Variants in CEP135 observed in about 807,000 individuals in gnomAD.
The protein encoded by CEP135 is centrosomal protein 135, also known as centrosomal protein of 135 kDa.
CEP135 carries 142 observed loss-of-function variants against 157.3 expected under a neutral mutation model. That is an observed-to-expected ratio of 0.90 (90% CI 0.79 to 1.04). The LOEUF is 1.04. Ranked by LOEUF, CEP135 falls within the 50% of genes least tolerant of loss-of-function variation. The pLI, the probability that CEP135 is intolerant of heterozygous loss-of-function variation, is 0.00. For missense variants in CEP135, 1,317 were observed against 1,309.2 expected (o/e 1.01, Z -0.09); for synonymous variants, 396 against 439.8 (o/e 0.90, Z 1.25).
At chr4:56,019,761 C>T (rs1730910768) in intron 23 of CEP135, among the ~76,000 whole-genome samples, 1 of 151,668 alleles carries the variant, frequency 6.6e-6, no homozygotes, top group Non-Finnish European at 1.5e-5. Flanking sequence ...GATGGCGAAA[C>T]CCCGTCTATA....
chr4:55,957,871 G>T (rs532741262), intron 5 of CEP135, among the ~76,000 whole-genome samples: 1 of 152,270 alleles, frequency 6.6e-6, no homozygotes, highest in African/African-American at 2.4e-5. Flanking sequence ...AGTGTTCTGA[G>T]GATATAAAGA....
chr4:55,971,855 A>G (rs1729036873), intron 10 of CEP135, among the ~76,000 whole-genome samples: 1 of 152,198 alleles, frequency 6.6e-6, no homozygotes, highest in South Asian at 2.1e-4. Flanking sequence ...TCAGGAACAT[A>G]TAAGAATTCA....
chr4:56,027,885 C>T (rs1461813218), intron 25 of CEP135, among the ~76,000 whole-genome samples: 1 of 151,964 alleles, frequency 6.6e-6, no homozygotes, highest in African/African-American at 2.4e-5. Context: ...TTTTATCTCC[C>T]CAAACAGAAA....
intron 21 of CEP135, among the ~76,000 whole-genome samples, chr4:56,016,948 G>A (rs1294573776): frequency 2.6e-5 from 4 of 152,044 alleles, no homozygotes; most frequent in Non-Finnish European, 5.9e-5. Context: ...TGTTGGGGTT[G>A]CAGACGTGAG....
chr4:55,981,467 C>A, intron 13 of CEP135, 88 bp downstream of exon 13: 2 of 1,140,118 alleles, frequency 1.8e-6, no homozygotes, highest in Non-Finnish European at 2.4e-6. Flanking sequence ...TACTATTGGC[C>A]AAATCCAGAC....
chr4:56,017,160 T>C (rs1249014851), intron 21 of CEP135, among the ~76,000 whole-genome samples: 1 of 152,282 alleles, frequency 6.6e-6, no homozygotes, highest in East Asian at 1.9e-4. Flanking sequence ...TATTAAAATA[T>C]TAAAGTTGTT....
At position 56,009,784 on chromosome 4, in the gene CEP135, C is replaced by T. The variant is rs369566362; in HGVS notation, c.2386C>T (p.Arg796Trp). 35 of 1,613,492 alleles carry T rather than the reference C, an allele frequency of 2.2e-5. No individual in the cohort carries two copies. Among genetic ancestry groups the T allele is most frequent in the Admixed American group, 1.7e-4 (10 of 59,882 alleles). ...TCGAGATCGTGAGATAAACAGCCTCCGGCGCCAGCTTGATGCAGCTCACAA... is the reference window on the plus strand; with the variant it reads ...TCGAGATCGTGAGATAAACAGCCTCTGGCGCCAGCTTGATGCAGCTCACAA... Reference protein sequence around the residue: ...VNRDREINSLRRQLDAAHKEL... With the variant: ...VNRDREINSLWRQLDAAHKEL... The change falls in exon 19 of 26, where the codon CGG becomes TGG. Residue 796 changes from arginine (R) to tryptophan (W), a missense_variant. Arg to Trp is a moderately radical substitution (Grantham distance 101). Transcript: ENST00000257287.
At chr4:55,974,623 G>T in intron 10 of CEP135, 123 bp from the exon 11 acceptor site, 1 of 692,880 alleles carries the variant, frequency 1.4e-6, no homozygotes, top group Non-Finnish European at 2.3e-6. Context: ...ACCTACAGGT[G>T]TTATGTAGAA....
At chr4:56,028,689 A>C (rs1731231856) in intron 25 of CEP135, among the ~76,000 whole-genome samples, 2 of 152,186 alleles carry the variant, frequency 1.3e-5, no homozygotes, top group East Asian at 3.8e-4. Flanking sequence ...TAGACAATCC[A>C]ACTTTTATTA....
At position 55,965,795 on chromosome 4, in the gene CEP135, A is replaced by G; in HGVS notation, c.980A>G (p.Gln327Arg). The G allele has an allele frequency of 6.2e-7, 1 of 1,613,892 alleles. No homozygotes were observed. Among genetic ancestry groups the G allele is most frequent in the Non-Finnish European group, 8.5e-7 (1 of 1,179,862 alleles). ...QELTEIDQLAQQLERHKEEVL... is the reference protein window; with the variant it reads ...QELTEIDQLARQLERHKEEVL... ...TTAACTGAAATAGATCAGTTAGCAC[A>G]GCAGTTGGAAAGACATAAAGAAGAA... The change falls in exon 8 of 26, where the codon CAG becomes CGG. Residue 327 changes from glutamine (Q) to arginine (R), a missense_variant. By Grantham distance (43) the Gln-to-Arg change is conservative (BLOSUM62 1). Transcript: ENST00000257287.
rs758505256 is a variant in CEP135, at chr4:55,954,287, C to A, written c.376C>A (p.His126Asn). ...DLKFLNNQYA[H>N]KLKLLEKESK... ...GAAATTTCTGAATAACCAATATGCT[C>A]ATAAACTCAAACTGTTGGAGAAAGA... Residue 126 changes from histidine to asparagine, a missense_variant, in exon 4 of 26, where the codon CAT becomes AAT. His to Asn is a moderately conservative substitution (Grantham distance 68). Coordinates refer to ENST00000257287, the MANE Select transcript of CEP135 (RefSeq NM_025009.5). 4 of 1,610,524 alleles carry A rather than the reference C, an allele frequency of 2.5e-6. No individual in the cohort carries two copies. Among genetic ancestry groups the A allele is most frequent in the South Asian group, 2.2e-5 (2 of 90,364 alleles).
In CEP135 at chr4:56,019,356, G is replaced by T. The variant is rs774162135; in HGVS notation, c.3016G>T (p.Val1006Leu). The change falls in exon 23 of 26, where the codon GTG becomes TTG. Residue 1006 changes from valine to leucine, a missense_variant. Transcript: ENST00000257287. ...TCTTACTTTGTTTTTCACGTAGGTT[G>T]TGGTGGAATTAGAAAATGTAAAGTC... ...NSKNLEFERV[V>L]VELENVKSES... 17 of 1,608,522 alleles carry T rather than the reference G, an allele frequency of 1.1e-5. No individual in the cohort carries two copies. The South Asian group carries it at 1.7e-4, about 16-fold the overall frequency.
chr4:56,024,875 A>G lies in CEP135; in HGVS notation c.*11+261A>G, dbSNP rs550490158. On this transcript the variant is annotated intron_variant, in intron 25 of 25. Transcript: ENST00000257287. ...GTCTCGGCCAGACACAGTGGCCCAC[A>G]CCTGTTATTCCAGCACTTTGGGGAG... Among the ~76,000 whole-genome samples, 4 of 150,840 alleles carry G rather than the reference A, an allele frequency of 2.7e-5. 1 individual carries two copies. Among genetic ancestry groups the G allele is most frequent in the African/African-American group, 9.7e-5 (4 of 41,052 alleles).
chr4:55,976,086 CA>C (rs1729203127), intron 11 of CEP135, among the ~76,000 whole-genome samples: 1 of 151,660 alleles, frequency 6.6e-6, no homozygotes, highest in Non-Finnish European at 1.5e-5. Context: ...GCCATCTCTA[CA>C]AAAGAAAAAT....
intron 25 of CEP135, among the ~76,000 whole-genome samples, chr4:56,029,310 C>A (rs1175267564): frequency 6.6e-6 from 1 of 152,186 alleles, no homozygotes; most frequent in Non-Finnish European, 1.5e-5. Flanking sequence ...TCAATTCAAC[C>A]TTCAGCCCCT....
chr4:56,029,666 A>G (rs1000755247), intron 25 of CEP135, among the ~76,000 whole-genome samples: 1 of 152,240 alleles, frequency 6.6e-6, no homozygotes, highest in African/African-American at 2.4e-5. Flanking sequence ...TATATGGTAT[A>G]GCCTCTTGCT....
intron 25 of CEP135, among the ~76,000 whole-genome samples, chr4:56,028,537 G>A (rs1009347323): frequency 5.3e-5 from 8 of 150,442 alleles, no homozygotes; most frequent in South Asian, 4.2e-4. Context: ...ATTTCCCCTC[G>A]TATTTTCTAA....
At chr4:55,999,815 T>C (rs1223167255) in intron 17 of CEP135, among the ~76,000 whole-genome samples, 170 bp downstream of exon 17, 4 of 151,684 alleles carry the variant, frequency 2.6e-5, no homozygotes, top group East Asian at 2.0e-4. Flanking sequence ...ACCTCAGCAA[T>C]TGGAATTACA....
chr4:56,005,124 ACTTAC>A (rs747638070), intron 17 of CEP135, among the ~76,000 whole-genome samples: 20 of 152,120 alleles, frequency 1.3e-4, no homozygotes, highest in Non-Finnish European at 1.2e-4. Flanking sequence ...AGAACTGACA[ACTTAC>A]CTTAGGTTAC....
Sources: allele counts gnomAD v4.1 joint callset (sites outside exome capture counted in the v4.1 genomes callset), GRCh38; gene constraint gnomAD v4.1.1; transcripts MANE v1.5; gene names NCBI Gene and HGNC (gene_info 2026-07-23, HGNC 2026-07-21).